The following TACC2 variants were observed in gnomAD, a reference collection of about 807,000 sequenced individuals.
The protein encoded by TACC2 is transforming acidic coiled-coil-containing protein 2.
Under a neutral mutation model 227.3 loss-of-function variants are expected in TACC2, and 137 were observed. The ratio of observed to expected loss-of-function variants is 0.60; its 90% CI spans 0.52 to 0.69. TACC2 has a LOEUF of 0.69. TACC2 is among the 30% of genes least tolerant of loss of function. The pLI is 0.00. For missense variants in TACC2, 3,470 were observed against 3,694.4 expected (o/e 0.94, Z 1.57); for synonymous variants, 1,523 against 1,487.5 (o/e 1.02, Z -0.55).
intron 1 of TACC2, among the ~76,000 whole-genome samples, chr10:121,993,447 C>A (rs554053716): frequency 2.2e-4 from 33 of 152,280 alleles, no homozygotes; most frequent in African/African-American, 7.2e-4. Context: ...CTTCCTCTTT[C>A]CCTGCTCCCG....
intron 19 of TACC2, chr10:122,246,436 C>T (rs1340490906): frequency 6.6e-6 from 1 of 152,188 alleles, no homozygotes; most frequent in South Asian, 2.1e-4. Context: ...GGGAAAGAAA[C>T]TCATACAACA....
At chr10:122,082,451 A>G (rs1165878565) in intron 3 of TACC2, among the ~76,000 whole-genome samples, 196 bp from the exon 4 acceptor site, 1 of 151,648 alleles carries the variant, frequency 6.6e-6, no homozygotes, top group Non-Finnish European at 1.5e-5. Flanking sequence ...TTTTTGGGGG[A>G]AACGAGGGCA....
chr10:122,207,343 G>C (rs896376644), intron 8 of TACC2, among the ~76,000 whole-genome samples: 1 of 151,540 alleles, frequency 6.6e-6, no homozygotes, highest in Non-Finnish European at 1.5e-5. Flanking sequence ...TTCGAACCCA[G>C]TTGGACCACA....
chr10:122,165,744 C>T (rs1211351523), intron 7 of TACC2, among the ~76,000 whole-genome samples: 3 of 152,128 alleles, frequency 2.0e-5, no homozygotes, highest in South Asian at 2.1e-4. Context: ...TAGATCTTTA[C>T]GATAGTATAT....
intron 7 of TACC2, among the ~76,000 whole-genome samples, chr10:122,190,848 C>T (rs2094387921): frequency 6.6e-6 from 1 of 152,042 alleles, no homozygotes; most frequent in Admixed American, 6.6e-5. Context: ...TAATTGCTCT[C>T]GATGATGGAC....
intron 1 of TACC2, among the ~76,000 whole-genome samples, chr10:121,992,447 C>T (rs574508143): frequency 6.6e-6 from 1 of 152,198 alleles, no homozygotes; most frequent in Non-Finnish European, 1.5e-5. Flanking sequence ...CAGAATTACA[C>T]AAGAACTTCA....
At position 122,087,345 on chromosome 10, in the gene TACC2, C is replaced by T. The variant is rs11599291; in HGVS notation, c.4845C>T (p.Pro1615=). The T allele has an allele frequency of 0.22, 354,623 of 1,613,840 alleles. 40,425 individuals are homozygous for T. Among genetic ancestry groups the T allele is most frequent in the African/African-American group, 0.32 (23,793 of 74,992 alleles). The part of the protein sequence containing the change: ...ACDSPHGEDG[P]GDFAHTGVPG... ...ACAGTCCACATGGAGAAGATGGTCC[C>T]GGGGACTTTGCTCACACAGGGGTTC... The change falls in exon 4 of 23, where the codon CCC becomes CCT. Residue 1615 remains proline, a synonymous_variant. Transcript: ENST00000369005.
intron 1 of TACC2, among the ~76,000 whole-genome samples, chr10:121,990,364 T>C (rs7098291): frequency 0.52 from 78,470 of 151,898 alleles, 20,664 homozygotes; most frequent in Non-Finnish European, 0.55. Context: ...GTGATCCTCC[T>C]GCCTCAGCCT....
chr10:122,210,928 A>C lies in TACC2; in HGVS notation c.6503A>C (p.Asn2168Thr). The change falls in exon 9 of 23, where the codon AAT becomes ACT. Residue 2168 changes from asparagine to threonine, a missense_variant. Asn to Thr is a moderately conservative substitution (Grantham distance 65). Coordinates refer to ENST00000369005, the MANE Select transcript of TACC2 (RefSeq NM_206862.4). The surrounding 1 kb of genome is among the most constrained non-coding windows in gnomAD (Gnocchi z 4.6). ...DEESLVPSGE[N>T]LASETKTESA... ...GAGAGCCTTGTCCCCAGTGGGGAGAATCTAGCATCTGAGACGAAAACGGAA... is the reference window on the plus strand; with the variant it reads ...GAGAGCCTTGTCCCCAGTGGGGAGACTCTAGCATCTGAGACGAAAACGGAA... 6.2e-7 allele frequency: 1 copy of C among 1,613,950 alleles called. No homozygotes were observed. The highest frequency in any genetic ancestry group is 1.6e-4 in the Middle Eastern group (1 of 6,062).
Position 122,132,082 on chromosome 10 carries a change from G to GAAAGAAAGAAAGAAAGAAAGAA in TACC2, c.5574-526_5574-525insAAGAAAGAAAGAAAGAAAGAAA, listed in dbSNP as rs138785067. On this transcript the variant is annotated intron_variant, in intron 5 of 22. Transcript: ENST00000369005. ...AAAGAAAGAAAAAGAAAGAAAGAAA[G>GAAAGAAAGAAAGAAAGAAAGAA]AGAAAGATCTACAAAGGTTTCTAAA... 1.8e-3 allele frequency among the ~76,000 whole-genome samples: 240 copies of GAAAGAAAGAAAGAAAGAAAGAA among 136,062 alleles called. 4 individuals carry two copies. Among genetic ancestry groups the GAAAGAAAGAAAGAAAGAAAGAA allele is most frequent in the African/African-American group, 6.9e-3 (233 of 33,900 alleles). The allele number at this position is 136,062 out of a possible 152,430, so 89.3% of individuals were successfully genotyped here.
At chr10:122,046,135 A>G (rs1189685847) in intron 2 of TACC2, among the ~76,000 whole-genome samples, 9 of 151,234 alleles carry the variant, frequency 6.0e-5, no homozygotes, top group South Asian at 2.1e-4. Flanking sequence ...AGATCACGCC[A>G]TTGCACTCCA....
At chr10:122,064,390 C>CATT (rs2077170384) in intron 3 of TACC2, among the ~76,000 whole-genome samples, 1 of 152,124 alleles carries the variant, frequency 6.6e-6, no homozygotes, top group Admixed American at 6.6e-5. Context: ...AATATTGATA[C>CATT]ATTATTATTA....
At chr10:122,039,623 C>T (rs138207279) in intron 2 of TACC2, among the ~76,000 whole-genome samples, 257 of 152,246 alleles carry the variant, frequency 1.7e-3, no homozygotes, top group Non-Finnish European at 1.2e-3. Flanking sequence ...GACCTCTCCT[C>T]GGAGCCTCTA....
At chr10:122,115,012 C>A (rs1438998043) in intron 5 of TACC2, among the ~76,000 whole-genome samples, 1 of 152,248 alleles carries the variant, frequency 6.6e-6, no homozygotes, top group Non-Finnish European at 1.5e-5. Flanking sequence ...GCCAGGGCCA[C>A]ACATCAAGGT....
chr10:122,009,912 G>A (rs1286000981), intron 1 of TACC2, among the ~76,000 whole-genome samples: 1 of 152,176 alleles, frequency 6.6e-6, no homozygotes, highest in Non-Finnish European at 1.5e-5. Context: ...GTGACAGAGT[G>A]AGACTCTGTT....
chr10:121,996,529 C>A (rs544727051), intron 1 of TACC2, among the ~76,000 whole-genome samples: 1 of 152,242 alleles, frequency 6.6e-6, no homozygotes, highest in South Asian at 2.1e-4. Flanking sequence ...AGGAGACAAA[C>A]CTCCAAACTC....
chr10:122,037,693 G>C (rs1960840468), intron 2 of TACC2, among the ~76,000 whole-genome samples: 1 of 152,218 alleles, frequency 6.6e-6, no homozygotes, highest in Non-Finnish European at 1.5e-5. Context: ...ACCCATCCGT[G>C]TGAGTAAATC....
At position 122,239,798 on chromosome 10, in the gene TACC2, C is replaced by T. The variant is rs115501418; in HGVS notation, c.8348+1761C>T. ...ATGTCACCAGCTGGTGCAGATGTAC[C>T]GGCATTTGGTAGCCCGAATGTCAGC... On this transcript the variant is annotated intron_variant, in intron 18 of 22. Coordinates refer to ENST00000369005, the MANE Select transcript of TACC2 (RefSeq NM_206862.4). Among the ~76,000 whole-genome samples the T allele has an allele frequency of 3.6e-3, 545 of 152,248 alleles. 4 individuals are homozygous for T. The highest frequency in any genetic ancestry group is 0.011 in the African/African-American group (474 of 41,536).
intron 7 of TACC2, among the ~76,000 whole-genome samples, chr10:122,157,932 AT>A (rs893056559): frequency 1.9e-4 from 28 of 150,598 alleles, no homozygotes; most frequent in East Asian, 1.6e-3. Flanking sequence ...TGTGTTACTG[AT>A]TTTTTTTTTC....
Sources: gnomAD v4.1 joint callset for allele counts (sites outside exome capture counted in the v4.1 genomes callset) on GRCh38, gnomAD v4.1.1 for gene constraint, Gnocchi (gnomAD v3.1) non-coding constraint, MANE v1.5 for transcripts, NCBI Gene and HGNC (gene_info 2026-07-23, HGNC 2026-07-21) for gene names.